Variants in LPP observed in about 807,000 individuals in gnomAD.
LPP encodes LIM domain containing preferred translocation partner in lipoma.
Under a neutral mutation model 60.4 loss-of-function variants are expected in LPP, and 38 were observed. The observed-to-expected ratio is 0.63, with a 90% CI of 0.49 to 0.83. The LOEUF (loss-of-function observed/expected upper bound fraction) is 0.83. Ranked by LOEUF, LPP falls within the 40% of genes least tolerant of loss-of-function variation. The pLI is 0.00. For missense variants in LPP, 902 were observed against 783.6 expected (o/e 1.15, Z -1.80); for synonymous variants, 328 against 290.8 (o/e 1.13, Z -1.30).
intron 2 of LPP, among the ~76,000 whole-genome samples, chr3:188,237,408 T>G (rs564679256): frequency 6.6e-6 from 1 of 152,344 alleles, no homozygotes; most frequent in South Asian, 2.1e-4. Flanking sequence ...GCATCTAGAA[T>G]GGTGAATCCT....
At chr3:188,172,460 G>A (rs1721855524) in intron 1 of LPP, among the ~76,000 whole-genome samples, 1 of 152,150 alleles carries the variant, frequency 6.6e-6, no homozygotes, top group African/African-American at 2.4e-5. Flanking sequence ...TGTGATAAGT[G>A]CCCATTAAAT....
chr3:188,407,328 C>T (rs1783747415), intron 4 of LPP, among the ~76,000 whole-genome samples: 2 of 152,186 alleles, frequency 1.3e-5, no homozygotes, highest in Admixed American at 1.3e-4. Context: ...CCTGTCCTCT[C>T]CTGCGCCCAG....
chr3:188,873,208 G>T (rs541171708), intron 11 of LPP, among the ~76,000 whole-genome samples: 1 of 152,322 alleles, frequency 6.6e-6, no homozygotes, highest in South Asian at 2.1e-4. Flanking sequence ...CTCTAGAGCT[G>T]CAGTATATCT....
At chr3:188,167,501 C>CACAAAACAAAACAAAACAAAACAAA (rs59953137) in intron 1 of LPP, among the ~76,000 whole-genome samples, 20 of 143,602 alleles carry the variant, frequency 1.4e-4, no homozygotes, top group East Asian at 1.0e-3. Flanking sequence ...ACTCCACCAC[C>CACAAAACAAAACAAAACAAAACAAA]ACAAAACAAA....
intron 10 of LPP, among the ~76,000 whole-genome samples, chr3:188,871,563 G>GATT (rs1768094226): frequency 6.6e-6 from 1 of 152,122 alleles, no homozygotes. Flanking sequence ...CAAAGAGTTA[G>GATT]ATTATTATCA....
chr3:188,509,867 T>TG (rs1553917184), intron 5 of LPP, among the ~76,000 whole-genome samples: 1 of 97,046 alleles, frequency 1.0e-5, no homozygotes, highest in African/African-American at 3.3e-5. Context: ...TAATTTTTTT[T>TG]TTGTTGTTTT....
chr3:188,886,959 GA>G lies in LPP; in HGVS notation c.*12483del. On this transcript the variant is annotated 3_prime_UTR_variant, in exon 12 of 12. Transcript: ENST00000617246. ...GCCAAAGCAATTTGAGGTGGGGGTG[GA>G]AACAGGTATTTATCTCTCATGCGTG... 1 of 231,358 alleles carries G rather than the reference GA, an allele frequency of 4.3e-6. No homozygotes were observed. The highest frequency in any genetic ancestry group is 8.6e-6 in the Non-Finnish European group (1 of 116,898). The allele number at this position is 231,358 out of a possible 1,614,324, so 14.3% of individuals were successfully genotyped here. A position where few individuals can be genotyped will look rare whatever the true frequency, so the allele number is the denominator to read the frequency against.
chr3:188,560,547 A>C (rs1560565306), intron 6 of LPP, among the ~76,000 whole-genome samples: 1 of 152,114 alleles, frequency 6.6e-6, no homozygotes, highest in Non-Finnish European at 1.5e-5. Context: ...GACCCATGCC[A>C]AGTCATATCC....
At chr3:188,578,464 A>AAGACT (rs1392201508) in intron 6 of LPP, among the ~76,000 whole-genome samples, 1 of 152,170 alleles carries the variant, frequency 6.6e-6, no homozygotes, top group African/African-American at 2.4e-5. Context: ...TTCATTTTAT[A>AAGACT]ATACTGTCTT....
intron 9 of LPP, among the ~76,000 whole-genome samples, chr3:188,841,190 A>G (rs761804008): frequency 7.2e-5 from 11 of 152,092 alleles, no homozygotes; most frequent in Non-Finnish European, 1.3e-4. Flanking sequence ...CCTTAGAAAA[A>G]CAATCTCTGT....
chr3:188,426,588 A>C (rs2094301721), intron 4 of LPP, among the ~76,000 whole-genome samples: 1 of 152,136 alleles, frequency 6.6e-6, no homozygotes, highest in African/African-American at 2.4e-5. Flanking sequence ...TAGGAGTCTT[A>C]GTCTCTTTGT....
Position 188,609,952 on chromosome 3 carries a change from A to C in LPP, c.1113+108A>C. 1 of 1,039,724 alleles carries C rather than the reference A, an allele frequency of 9.6e-7. No individual in the cohort carries two copies. Among genetic ancestry groups the C allele is most frequent in the South Asian group, 1.6e-5 (1 of 60,952 alleles). 64.4% of individuals were successfully genotyped at this position (1,039,724 alleles called of 1,614,324 possible). On this transcript the variant is annotated intron_variant, in intron 7 of 11. Coordinates refer to ENST00000617246, the MANE Select transcript of LPP (RefSeq NM_001375462.1). This position sits in a 1 kb window ranked among gnomAD's most constrained non-coding sequence, Gnocchi z 6.9. ...AAAGTGTGTGTGTTACTTTTATTTC[A>C]CTGACAAATACAATCCCAGGGAAGG... is the stretch of plus-strand genomic sequence containing the variant.
rs528412473 is a variant in LPP, at chr3:188,421,562, C to T, written c.193+15249C>T. 6.5e-4 allele frequency among the ~76,000 whole-genome samples: 99 copies of T among 152,228 alleles called. 1 individual carries two copies. Among genetic ancestry groups the T allele is most frequent in the Middle Eastern group, 6.8e-3 (2 of 294 alleles). Reference sequence around the variant, plus strand: ...TTGGCCAAAGTCTCTTCAGAAAATACCCCATTTAGTGCTCCCCATAAGCTA... The same window carrying T: ...TTGGCCAAAGTCTCTTCAGAAAATATCCCATTTAGTGCTCCCCATAAGCTA... On this transcript the variant is annotated intron_variant, in intron 4 of 11. Transcript: ENST00000617246.
chr3:188,379,130 G>A (rs529072290), intron 3 of LPP, among the ~76,000 whole-genome samples: 20 of 151,382 alleles, frequency 1.3e-4, no homozygotes, highest in Non-Finnish European at 2.7e-4. Context: ...AGATACTAAT[G>A]ATTAACAGAG....
Position 188,352,025 on chromosome 3 carries a change from G to A in LPP, c.-10+10306G>A, listed in dbSNP as rs993074584. Among the ~76,000 whole-genome samples, 1 of 151,984 alleles carries A rather than the reference G, an allele frequency of 6.6e-6. No homozygotes were observed. Among genetic ancestry groups the A allele is most frequent in the Non-Finnish European group, 1.5e-5 (1 of 68,000 alleles). ...TCCTGCCTCTTCCCTAGCTAGCCTC[G>A]ACCTCAACGTGTATTATTTCCTCCC... On this transcript the variant is annotated intron_variant, in intron 3 of 11. Coordinates refer to ENST00000617246, the MANE Select transcript of LPP (RefSeq NM_001375462.1). The surrounding 1 kb of genome is among the most constrained non-coding windows in gnomAD (Gnocchi z 4.4).
At chr3:188,273,656 C>T (rs1366226405) in intron 2 of LPP, among the ~76,000 whole-genome samples, 1 of 123,194 alleles carries the variant, frequency 8.1e-6, no homozygotes, top group Non-Finnish European at 1.6e-5. Context: ...AGTTCAATGG[C>T]ACGATCTCGG....
At chr3:188,731,557 G>A (rs1051665794) in intron 8 of LPP, among the ~76,000 whole-genome samples, 3 of 55,768 alleles carry the variant, frequency 5.4e-5, no homozygotes, top group African/African-American at 1.8e-4. Context: ...GAGTCTCACT[G>A]TGTCCCCCAG....
At chr3:188,697,920 C>T (rs1863619175) in intron 7 of LPP, among the ~76,000 whole-genome samples, 1 of 146,776 alleles carries the variant, frequency 6.8e-6, no homozygotes, top group Non-Finnish European at 1.5e-5. Flanking sequence ...TTATGACAAT[C>T]CAAGTATCTA....
At chr3:188,693,799 A>G (rs1862624344) in intron 7 of LPP, among the ~76,000 whole-genome samples, 1 of 152,174 alleles carries the variant, frequency 6.6e-6, no homozygotes, top group Non-Finnish European at 1.5e-5. Context: ...AGGGCTCCCA[A>G]AATTTTTGCC....
Sources: gnomAD v4.1 joint callset for allele counts (sites outside exome capture counted in the v4.1 genomes callset) on GRCh38, gnomAD v4.1.1 for gene constraint, Gnocchi (gnomAD v3.1) non-coding constraint, MANE v1.5 for transcripts, NCBI Gene and HGNC (gene_info 2026-07-23, HGNC 2026-07-21) for gene names.